Variants in USP12 observed in about 807,000 individuals in gnomAD.
USP12 encodes the protein ubiquitin carboxyl-terminal hydrolase 12.
Under a neutral mutation model 45.5 loss-of-function variants are expected in USP12, and 19 were observed. The ratio of observed to expected loss-of-function variants is 0.42; its 90% confidence interval spans 0.29 to 0.61. The LOEUF (loss-of-function observed/expected upper bound fraction) is 0.61, where lower values mean the gene tolerates loss of function less well. Ranked by LOEUF, USP12 falls within the 20% of genes least tolerant of loss-of-function variation. USP12 has a pLI of 0.22. For synonymous variants in USP12, 149 were observed against 148.8 expected, an observed-to-expected ratio of 1.00 and a Z score of -0.01; for missense variants, 242 against 447.7, an observed-to-expected ratio of 0.54 and a Z score of 4.15.
At chr13:27,158,713 G>A (rs1001224092) in intron 1 of USP12, among the ~76,000 whole-genome samples, 10 of 151,964 alleles carry the variant, frequency 6.6e-5, no homozygotes, top group African/African-American at 2.4e-4. Context: ...ACAGTTTCTG[G>A]CACTTTGTTA....
At chr13:27,092,888 TAAAACATTA>T (rs1292713325) in intron 4 of USP12, among the ~76,000 whole-genome samples, 3 of 152,132 alleles carry the variant, frequency 2.0e-5, no homozygotes, top group Non-Finnish European at 4.4e-5. Context: ...AACTGATAAT[TAAAACATTA>T]AAAACTTCTG....
intron 1 of USP12, among the ~76,000 whole-genome samples, chr13:27,136,814 A>G (rs1471852376): frequency 1.3e-5 from 2 of 152,228 alleles, no homozygotes; most frequent in Admixed American, 6.5e-5. Flanking sequence ...TAAAAATACA[A>G]TATTTAAGTA....
At chr13:27,119,335 C>T (rs529741524) in intron 1 of USP12, among the ~76,000 whole-genome samples, 2 of 152,342 alleles carry the variant, frequency 1.3e-5, no homozygotes, top group East Asian at 3.9e-4. Context: ...TGTACTCCCC[C>T]ACACGGCCTA....
intron 7 of USP12, among the ~76,000 whole-genome samples, chr13:27,073,151 G>C (rs551447084): frequency 1.6e-4 from 24 of 151,968 alleles, no homozygotes; most frequent in African/African-American, 5.3e-4. Flanking sequence ...AAGACTTCCA[G>C]AGCGGAGGGG....
At chr13:27,096,162 T>C (rs1874572407) in intron 3 of USP12, among the ~76,000 whole-genome samples, 2 of 152,350 alleles carry the variant, frequency 1.3e-5, no homozygotes, top group South Asian at 2.1e-4. Flanking sequence ...ATATTTCAAC[T>C]TGGCAAGCTT....
intron 3 of USP12, 132 bp downstream of exon 3, chr13:27,105,599 C>A: frequency 2.5e-6 from 2 of 797,034 alleles, no homozygotes; most frequent in South Asian, 1.8e-5. Flanking sequence ...TGAAGAAAGG[C>A]GTGTCATCCT....
At chr13:27,107,708 A>C (rs1011555321) in intron 2 of USP12, among the ~76,000 whole-genome samples, 1 of 152,220 alleles carries the variant, frequency 6.6e-6, no homozygotes, top group African/African-American at 2.4e-5. Flanking sequence ...GGCTGATACA[A>C]GATCTGCGAT....
chr13:27,126,963 C>T (rs1228134783), intron 1 of USP12, among the ~76,000 whole-genome samples: 1 of 152,172 alleles, frequency 6.6e-6, no homozygotes, highest in African/African-American at 2.4e-5. Context: ...CCATCTATTA[C>T]TCCTTCCTTC....
chr13:27,104,140 GCCAC>G (rs1875016615), intron 3 of USP12, among the ~76,000 whole-genome samples: 1 of 152,042 alleles, frequency 6.6e-6, no homozygotes, highest in African/African-American at 2.4e-5. Flanking sequence ...AAGCGATCCT[GCCAC>G]CTTAGCCTTC....
intron 1 of USP12, among the ~76,000 whole-genome samples, chr13:27,126,771 A>C (rs1365653531): frequency 2.0e-5 from 3 of 152,238 alleles, no homozygotes; most frequent in Non-Finnish European, 4.4e-5. Context: ...GTTTAAATTT[A>C]GAACAAATAT....
chr13:27,080,875 T>G (rs1873723667), intron 6 of USP12, among the ~76,000 whole-genome samples: 1 of 152,158 alleles, frequency 6.6e-6, no homozygotes, highest in African/African-American at 2.4e-5. Flanking sequence ...TTAAAAATAG[T>G]TTATTGCTTA....
At chr13:27,162,764 GATT>G (rs1878167597) in intron 1 of USP12, 1 of 152,202 alleles carries the variant, frequency 6.6e-6, no homozygotes, top group Middle Eastern at 3.4e-3. Context: ...GAACCATTTG[GATT>G]ATTATGATTA....
At chr13:27,116,369 T>A in intron 2 of USP12, 147 bp downstream of exon 2, 5 of 488,778 alleles carry the variant, frequency 1.0e-5, no homozygotes, top group Admixed American at 4.2e-5. Flanking sequence ...CCCTTAAAGA[T>A]CATTTCAAAA....
chr13:27,077,954 A>T (rs1481019553), intron 6 of USP12: 1 of 152,170 alleles, frequency 6.6e-6, no homozygotes, highest in Non-Finnish European at 1.5e-5. Context: ...CAAAAGACAA[A>T]CATTTTGAAG....
intron 1 of USP12, among the ~76,000 whole-genome samples, chr13:27,135,099 A>G (rs1876739880): frequency 6.6e-6 from 1 of 152,202 alleles, no homozygotes; most frequent in Non-Finnish European, 1.5e-5. Flanking sequence ...AGCCTGGGTA[A>G]CATGGTGAAA....
chr13:27,082,923 C>A (rs1158498313), intron 6 of USP12, among the ~76,000 whole-genome samples: 2 of 152,330 alleles, frequency 1.3e-5, no homozygotes, highest in Middle Eastern at 6.8e-3. Flanking sequence ...GCAACCTCCG[C>A]CTCCCAGGTT....
chr13:27,066,353 T>C lies in USP12; in HGVS notation c.*2930A>G, dbSNP rs1872990032. ...ACTTGCCCAAGGTCACACAGTTAAA[T>C]TCACTGAAGAGCCAGGACATGAGCG... On this transcript the variant is annotated 3_prime_UTR_variant, in exon 9 of 9. Coordinates refer to ENST00000282344, the MANE Select transcript of USP12 (RefSeq NM_182488.4). 6.6e-6 allele frequency: 1 copy of C among 152,266 alleles called. No homozygotes were observed. Among genetic ancestry groups the C allele is most frequent in the Non-Finnish European group, 1.5e-5 (1 of 68,126 alleles). The allele number at this position is 152,266 out of a possible 1,614,324, so 9.4% of individuals were successfully genotyped here.
chr13:27,111,595 C>G (rs569610415), intron 2 of USP12, among the ~76,000 whole-genome samples: 1 of 152,258 alleles, frequency 6.6e-6, no homozygotes, highest in East Asian at 1.9e-4. Context: ...GCCTTCTTCT[C>G]CAAACCTTAA....
At position 27,168,474 on chromosome 13, in the gene USP12, A is replaced by T. The variant is rs1036233460; in HGVS notation, c.48+3118T>A. Among the ~76,000 whole-genome samples the T allele has an allele frequency of 2.6e-5, 4 of 152,328 alleles. No individual in the cohort carries two copies. The East Asian group carries it at 7.7e-4, about 29-fold the overall frequency. Reference sequence around the variant, plus strand: ...CTCAACTGCAAAACACAGCCTCTCTACATGTATTCTGTCACTTTTCCCGTT... The same window carrying T: ...CTCAACTGCAAAACACAGCCTCTCTTCATGTATTCTGTCACTTTTCCCGTT... On this transcript the variant is annotated intron_variant, in intron 1 of 8. Coordinates refer to ENST00000282344, the MANE Select transcript of USP12 (RefSeq NM_182488.4).
Sources: allele counts gnomAD v4.1 joint callset (sites outside exome capture counted in the v4.1 genomes callset), GRCh38; gene constraint gnomAD v4.1.1; transcripts MANE v1.5; gene names NCBI Gene and HGNC (gene_info 2026-07-23, HGNC 2026-07-21).